Variants in IFT43 observed in about 807,000 individuals in gnomAD.
The protein encoded by IFT43 is intraflagellar transport protein 43 homolog.
A neutral mutation model predicts 32.3 loss-of-function variants in IFT43; 33 were observed. The ratio of observed to expected loss-of-function variants is 1.02; its 90% CI spans 0.77 to 1.37. The LOEUF is 1.37. Among genes scored for constraint, IFT43 ranks in the 40% most tolerant of loss-of-function variants. The pLI is 0.00. For missense variants in IFT43, 274 were observed against 265.9 expected, an observed-to-expected ratio of 1.03 and a Z score of -0.21; for synonymous variants, 93 against 98.2, an observed-to-expected ratio of 0.95 and a Z score of 0.31.
At chr14:75,990,610 G>A (rs2035618691) in intron 2 of IFT43, among the ~76,000 whole-genome samples, 1 of 152,180 alleles carries the variant, frequency 6.6e-6, no homozygotes, top group South Asian at 2.1e-4. Flanking sequence ...ATGTAGAAGT[G>A]TTATGGGGCC....
At chr14:76,002,403 G>C (rs2035904664) in intron 2 of IFT43, among the ~76,000 whole-genome samples, 2 of 152,054 alleles carry the variant, frequency 1.3e-5, no homozygotes, top group Admixed American at 1.3e-4. Flanking sequence ...CCTTGGGAAT[G>C]AGCTAGGTTG....
intron 3 of IFT43, among the ~76,000 whole-genome samples, chr14:76,057,292 C>T (rs1451256447): frequency 3.9e-5 from 6 of 151,956 alleles, no homozygotes; most frequent in South Asian, 4.1e-4. Flanking sequence ...AGTGAAATGG[C>T]GTGATCTTGG....
At chr14:75,999,241 A>AATATTCATTTATATATAAATTCAT (rs1408982797) in intron 2 of IFT43, among the ~76,000 whole-genome samples, 1 of 12,974 alleles carries the variant, frequency 7.7e-5, no homozygotes, top group African/African-American at 3.3e-4. Context: ...ATATATATAT[A>AATATTCATTTATATATAAATTCAT]TATATATATA....
At chr14:76,056,162 T>C (rs368666647) in intron 3 of IFT43, among the ~76,000 whole-genome samples, 42 of 152,340 alleles carry the variant, frequency 2.8e-4, no homozygotes, top group African/African-American at 9.9e-4. Flanking sequence ...AAGTGGCCAG[T>C]GTTCGGTCTG....
intron 4 of IFT43, 168 bp downstream of exon 4, chr14:76,058,842 C>A: frequency 6.5e-7 from 1 of 1,537,460 alleles, no homozygotes; most frequent in East Asian, 2.4e-5. Flanking sequence ...CCCGCTTCCT[C>A]AACTGAAGGT....
At chr14:76,002,367 G>T (rs199813444) in intron 2 of IFT43, among the ~76,000 whole-genome samples, 1 of 3,916 alleles carries the variant, frequency 2.6e-4, no homozygotes. Context: ...AAAAAGGTAA[G>T]GGGGGGGGTG....
intron 2 of IFT43, among the ~76,000 whole-genome samples, chr14:75,989,918 T>G (rs2035604242): frequency 6.6e-6 from 1 of 152,194 alleles, no homozygotes; most frequent in South Asian, 2.1e-4. Context: ...TATTCTTCAT[T>G]TTCGTAGGAA....
intron 5 of IFT43, among the ~76,000 whole-genome samples, chr14:76,068,162 C>G (rs1332606409): frequency 6.6e-6 from 1 of 152,114 alleles, no homozygotes; most frequent in Non-Finnish European, 1.5e-5. Context: ...GGAACTGATC[C>G]CTGAGGGCTG....
At chr14:76,069,871 A>G (rs1007644556) in intron 5 of IFT43, among the ~76,000 whole-genome samples, 4 of 151,882 alleles carry the variant, frequency 2.6e-5, no homozygotes, top group Non-Finnish European at 5.9e-5. Context: ...CCTCACCCCC[A>G]CTGGAGAGGG....
intron 2 of IFT43, among the ~76,000 whole-genome samples, chr14:76,009,915 C>G (rs2036049621): frequency 6.6e-6 from 1 of 152,128 alleles, no homozygotes; most frequent in South Asian, 2.1e-4. Context: ...ATGCCTCAGC[C>G]TCTGGAGTAG....
At chr14:76,023,747 G>A (rs972076141) in intron 3 of IFT43, among the ~76,000 whole-genome samples, 1 of 152,122 alleles carries the variant, frequency 6.6e-6, no homozygotes, top group Non-Finnish European at 1.5e-5. Flanking sequence ...ATGAAGGGTC[G>A]GTTTGGGAGA....
At chr14:76,059,133 G>A in intron 4 of IFT43, 194 bp from the exon 5 acceptor site, 1 of 1,495,212 alleles carries the variant, frequency 6.7e-7, no homozygotes, top group Non-Finnish European at 8.9e-7. Flanking sequence ...CTCTGGAATA[G>A]TGCATCGCAC....
intron 2 of IFT43, among the ~76,000 whole-genome samples, chr14:76,007,770 A>T (rs2036007329): frequency 6.6e-6 from 1 of 152,232 alleles, no homozygotes; most frequent in South Asian, 2.1e-4. Flanking sequence ...GGCAGAAAGT[A>T]TAGGGAAATG....
At chr14:76,020,751 G>C (rs902879135) in intron 2 of IFT43, among the ~76,000 whole-genome samples, 3 of 152,204 alleles carry the variant, frequency 2.0e-5, no homozygotes, top group African/African-American at 7.2e-5. Flanking sequence ...AGTGGTAGTG[G>C]TGGCAAGCCA....
At chr14:76,041,231 A>G (rs2036700329) in intron 3 of IFT43, among the ~76,000 whole-genome samples, 1 of 152,242 alleles carries the variant, frequency 6.6e-6, no homozygotes, top group African/African-American at 2.4e-5. Flanking sequence ...AGAAATGAAA[A>G]TGCTCTGGTG....
At chr14:75,998,193 G>A (rs2035783215) in intron 2 of IFT43, among the ~76,000 whole-genome samples, 1 of 152,206 alleles carries the variant, frequency 6.6e-6, no homozygotes, top group South Asian at 2.1e-4. Flanking sequence ...GCAAGCTGCA[G>A]AAATGGCTCT....
At chr14:76,083,084 A>G (rs1007083688) in intron 7 of IFT43, 143 bp from the exon 8 acceptor site, 6 of 842,902 alleles carry the variant, frequency 7.1e-6, no homozygotes, top group Non-Finnish European at 1.0e-5. Flanking sequence ...TTCATTCATG[A>G]TTTTACTCTC....
At chr14:75,990,960 G>A (rs921344500) in intron 2 of IFT43, among the ~76,000 whole-genome samples, 1 of 152,134 alleles carries the variant, frequency 6.6e-6, no homozygotes, top group Non-Finnish European at 1.5e-5. Context: ...ATATTTCAGT[G>A]AACAAAAGAG....
intron 2 of IFT43, among the ~76,000 whole-genome samples, chr14:76,003,991 G>T (rs1410698471): frequency 6.6e-6 from 1 of 152,054 alleles, no homozygotes; most frequent in Non-Finnish European, 1.5e-5. Context: ...GGCCAGGCTG[G>T]TCTCAAACTC....
Sources: allele counts gnomAD v4.1 joint callset (sites outside exome capture counted in the v4.1 genomes callset), GRCh38; gene constraint gnomAD v4.1.1; transcripts MANE v1.5; gene names NCBI Gene and HGNC (gene_info 2026-07-23, HGNC 2026-07-21).